STN1: variants seen among roughly 807,000 people sequenced by gnomAD.
STN1 encodes the protein CST complex subunit STN1.
Under a neutral mutation model 45.5 loss-of-function variants are expected in STN1, and 29 were observed. The observed-to-expected ratio is 0.64, with a 90% CI of 0.47 to 0.87. The LOEUF (loss-of-function observed/expected upper bound fraction) is 0.87, where lower values mean the gene tolerates loss of function less well. STN1 is among the 40% of genes least tolerant of loss of function. The pLI is 0.00. For synonymous variants in STN1, 148 were observed against 159.0 expected (o/e 0.93, Z 0.52); for missense variants, 376 against 441.4 (o/e 0.85, Z 1.33).
chr10:103,897,442 T>C, intron 7 of STN1, 106 bp downstream of exon 7: 6 of 1,004,148 alleles, frequency 6.0e-6, no homozygotes, highest in Non-Finnish European at 9.3e-6. Flanking sequence ...CTCCGTTCCC[T>C]GGGTCAACTC....
chr10:103,887,277 T>C (rs1464172974), intron 9 of STN1, among the ~76,000 whole-genome samples: 3 of 152,240 alleles, frequency 2.0e-5, no homozygotes, highest in East Asian at 3.8e-4. Flanking sequence ...ACAATGTATA[T>C]CGTCGGCTAA....
At chr10:103,892,054 A>T in intron 8 of STN1, 76 bp downstream of exon 8, 1 of 1,176,174 alleles carries the variant, frequency 8.5e-7, no homozygotes, top group Middle Eastern at 2.9e-4. Context: ...AGAATAATTA[A>T]GTGGTTATTC....
At position 103,910,641 on chromosome 10, in the gene STN1, A is replaced by T. The variant is rs1388923031; in HGVS notation, c.134-19T>A. ...AATACACCTAAAATTTAAAAAAAGC[A>T]AAGTCGACATAATGTATGATTACAT... On this transcript the variant is annotated intron_variant, in intron 2 of 9. Transcript: ENST00000224950. 1 of 1,384,494 alleles carries T rather than the reference A, an allele frequency of 7.2e-7. No individual in the cohort carries two copies. Among genetic ancestry groups the T allele is most frequent in the South Asian group, 1.2e-5 (1 of 85,954 alleles). The allele number at this position is 1,384,494 out of a possible 1,614,324, so 85.8% of individuals were successfully genotyped here.
Position 103,882,545 on chromosome 10 carries a change from C to T in STN1, c.*139G>A. 10 of 856,350 alleles carry T rather than the reference C, an allele frequency of 1.2e-5. 2 individuals carry two copies. The Middle Eastern group carries it at 2.2e-3, about 188-fold the overall frequency. 53.0% of individuals were successfully genotyped at this position (856,350 alleles called of 1,614,324 possible). On this transcript the variant is annotated 3_prime_UTR_variant, in exon 10 of 10. Coordinates refer to ENST00000224950, the MANE Select transcript of STN1 (RefSeq NM_024928.5). Reference sequence around the variant, plus strand: ...ACAACATTTATGCCAAATCCCATTCCCAAGATGACTATATTTTATAGTTTA... The same window carrying T: ...ACAACATTTATGCCAAATCCCATTCTCAAGATGACTATATTTTATAGTTTA...
intron 1 of STN1, 72 bp from the exon 2 acceptor site, chr10:103,917,728 C>T: frequency 1.0e-6 from 1 of 966,822 alleles, no homozygotes; most frequent in East Asian, 2.6e-5. Context: ...TGACGCTGCT[C>T]CCAGGTGGGC....
At position 103,878,758 on chromosome 10, in the gene STN1, C is replaced by T. The variant is rs1843047225; in HGVS notation, c.*3926G>A. On this transcript the variant is annotated 3_prime_UTR_variant, in exon 10 of 10. Coordinates refer to ENST00000224950, the MANE Select transcript of STN1 (RefSeq NM_024928.5). ...TGTATAATTATTCATCCAGCATTTCCCAAATATATTTGTGAACATAGTGTT... is the reference window on the plus strand; with the variant it reads ...TGTATAATTATTCATCCAGCATTTCTCAAATATATTTGTGAACATAGTGTT... 6.6e-6 allele frequency: 1 copy of T among 152,274 alleles called. No individual in the cohort carries two copies. The highest frequency in any genetic ancestry group is 1.9e-4 in the East Asian group (1 of 5,188). 9.4% of individuals were successfully genotyped at this position (152,274 alleles called of 1,614,324 possible). A position where few individuals can be genotyped will look rare whatever the true frequency, so the allele number is the denominator to read the frequency against.
In STN1 at chr10:103,884,952, C is replaced by T. The variant is rs148616094; in HGVS notation, c.950-2111G>A. Among the ~76,000 whole-genome samples the T allele has an allele frequency of 1.3e-3, 200 of 152,304 alleles. 1 individual carries two copies. The highest frequency in any genetic ancestry group is 4.8e-3 in the African/African-American group (199 of 41,548). On this transcript the variant is annotated intron_variant, in intron 9 of 9. Coordinates refer to ENST00000224950, the MANE Select transcript of STN1 (RefSeq NM_024928.5). ...GTTTCTTCAACATTCACTCCATAGA[C>T]TTCCTGAACACCTACTATGTGTGCA...
At chr10:103,903,160 T>C (rs1328934004) in intron 4 of STN1, among the ~76,000 whole-genome samples, 2 of 152,210 alleles carry the variant, frequency 1.3e-5, no homozygotes, top group Admixed American at 1.3e-4. Flanking sequence ...AACACAGCCA[T>C]GCCCATTTGC....
rs186486116 is a variant in STN1 at position 103,886,367 on chromosome 10, G to C, written c.949+2705C>G. ...AAGTTTTTAGTCAATCTAGGTGAAG[G>C]GTATATCGGTGTTTATTGTACCAGT... On this transcript the variant is annotated intron_variant, in intron 9 of 9. Transcript: ENST00000224950. 4.5e-4 allele frequency among the ~76,000 whole-genome samples: 68 copies of C among 151,728 alleles called. 1 individual carries two copies. Among genetic ancestry groups the C allele is most frequent in the African/African-American group, 1.6e-3 (68 of 41,406 alleles).
intron 4 of STN1, among the ~76,000 whole-genome samples, chr10:103,903,121 G>A (rs1843220003): frequency 6.6e-6 from 1 of 152,130 alleles, no homozygotes. Context: ...TCCATCCACA[G>A]CCTGTTTTTT....
At chr10:103,897,959 A>C (rs1308249204) in intron 6 of STN1, among the ~76,000 whole-genome samples, 4 of 152,200 alleles carry the variant, frequency 2.6e-5, no homozygotes, top group African/African-American at 9.7e-5. Flanking sequence ...AACAGCATGT[A>C]AGGTATGGTC....
intron 3 of STN1, among the ~76,000 whole-genome samples, chr10:103,905,675 G>A (rs894949154): frequency 6.6e-6 from 1 of 152,122 alleles, no homozygotes; most frequent in African/African-American, 2.4e-5. Flanking sequence ...TCTGGCCTGG[G>A]TTTCTCTTTG....
chr10:103,893,467 C>CTACA (rs1843153462), intron 7 of STN1, among the ~76,000 whole-genome samples: 1 of 152,170 alleles, frequency 6.6e-6, no homozygotes, highest in South Asian at 2.1e-4. Context: ...CGTGCCCAGC[C>CTACA]TACAGATCCA....
At chr10:103,883,827 C>T (rs557393476) in intron 9 of STN1, among the ~76,000 whole-genome samples, 99 of 152,208 alleles carry the variant, frequency 6.5e-4, no homozygotes, top group African/African-American at 2.2e-3. Flanking sequence ...CAGTGGCTCA[C>T]GCCTATAATC....
intron 7 of STN1, among the ~76,000 whole-genome samples, chr10:103,892,554 A>C (rs779161490): frequency 1.3e-5 from 2 of 151,882 alleles, no homozygotes; most frequent in African/African-American, 4.8e-5. Context: ...ACAATCTTTG[A>C]CTTATTTTTT....
Position 103,910,579 on chromosome 10 carries a change from G to A in STN1, c.177C>T (p.Val59=), listed in dbSNP as rs1282235237. The A allele has an allele frequency of 1.9e-6, 3 of 1,610,920 alleles. No individual in the cohort carries two copies. Among genetic ancestry groups the A allele is most frequent in the Admixed American group, 1.7e-5 (1 of 59,984 alleles). Residue 59 remains valine, a synonymous_variant, in exon 3 of 10, where the codon GTC becomes GTT. Transcript: ENST00000224950. ...YNGHPIKQVD[V]LGTVIGVRER... ...CTCTCACTCCAATGACAGTTCCCAA[G>A]ACATCTACCTGTTTTATTGGATGTC...
intron 7 of STN1, among the ~76,000 whole-genome samples, chr10:103,894,720 A>C (rs1385062712): frequency 6.6e-6 from 1 of 151,992 alleles, no homozygotes; most frequent in Non-Finnish European, 1.5e-5. Context: ...AACAAACAAA[A>C]AAAAACAGTC....
intron 3 of STN1, 51 bp downstream of exon 3, chr10:103,910,476 A>C: frequency 7.8e-7 from 1 of 1,281,024 alleles, no homozygotes; most frequent in South Asian, 1.2e-5. Context: ...CTTTCAGCCC[A>C]GAAGGGTCAG....
chr10:103,883,145 T>A (rs1843081844), intron 9 of STN1, among the ~76,000 whole-genome samples: 1 of 152,146 alleles, frequency 6.6e-6, no homozygotes, highest in African/African-American at 2.4e-5. Flanking sequence ...CTTGATAAAC[T>A]TTTTTCTGTG....
Sources: allele counts gnomAD v4.1 joint callset (sites outside exome capture counted in the v4.1 genomes callset), GRCh38; gene constraint gnomAD v4.1.1; transcripts MANE v1.5; gene names NCBI Gene and HGNC (gene_info 2026-07-23, HGNC 2026-07-21).